RPS6KC1: variants seen among roughly 807,000 people sequenced by gnomAD.
RPS6KC1 encodes ribosomal protein S6 kinase C1.
A neutral mutation model predicts 103.8 loss-of-function variants in RPS6KC1; 54 were observed. That is an observed-to-expected ratio of 0.52 (90% confidence interval 0.42 to 0.65). The LOEUF is 0.65. RPS6KC1 is among the 30% of genes least tolerant of loss of function. The pLI, the probability that RPS6KC1 is intolerant of heterozygous loss-of-function variation, is 0.00. For missense variants in RPS6KC1, 1,151 were observed against 1,253.8 expected (o/e 0.92, Z 1.24); for synonymous variants, 439 against 438.7 (o/e 1.00, Z -0.01).
chr1:213,854,560 CTT>C, the RPS6KC1 span, among the ~76,000 whole-genome samples: 1,772 of 96,092 alleles, frequency 0.018, 33 homozygotes, highest in African/African-American at 0.096. Context: ...TTCTTTCTTT[CTT>C]TCTCTCTCTC....
At chr1:213,749,428 G>A in the RPS6KC1 span, among the ~76,000 whole-genome samples, 1 of 152,174 alleles carries the variant, frequency 6.6e-6, no homozygotes, top group African/African-American at 2.4e-5. Flanking sequence ...TGAGGGAACA[G>A]GAACTCTAAG....
At chr1:213,132,792 C>A (rs1170231284) in intron 6 of RPS6KC1, among the ~76,000 whole-genome samples, 4 of 152,144 alleles carry the variant, frequency 2.6e-5, no homozygotes, top group African/African-American at 9.7e-5. Flanking sequence ...TTCTGGATAT[C>A]TGATAATACA....
At chr1:213,097,845 A>G (rs554790056) in intron 3 of RPS6KC1, among the ~76,000 whole-genome samples, 3 of 151,958 alleles carry the variant, frequency 2.0e-5, no homozygotes, top group Non-Finnish European at 4.4e-5. Flanking sequence ...TCATGTACCA[A>G]CCTCTGCTAG....
At chr1:213,431,363 T>A in the RPS6KC1 span, among the ~76,000 whole-genome samples, 7 of 152,160 alleles carry the variant, frequency 4.6e-5, no homozygotes, top group Middle Eastern at 6.3e-3. Flanking sequence ...ATATGAGATT[T>A]TTTTTTCCAA....
chr1:213,230,342 A>G (rs1407657545), intron 8 of RPS6KC1, among the ~76,000 whole-genome samples, 155 bp from the exon 9 acceptor site: 1 of 152,216 alleles, frequency 6.6e-6, no homozygotes, highest in Non-Finnish European at 1.5e-5. Context: ...TTTTGATCCT[A>G]TAATTTGCTG....
At chr1:213,479,145 T>C in the RPS6KC1 span, among the ~76,000 whole-genome samples, 1 of 152,078 alleles carries the variant, frequency 6.6e-6, no homozygotes, top group African/African-American at 2.4e-5. Flanking sequence ...TCCACTCCCT[T>C]ATGTTGGGCA....
the RPS6KC1 span, among the ~76,000 whole-genome samples, chr1:213,526,643 A>G: frequency 5.3e-5 from 8 of 152,312 alleles, no homozygotes; most frequent in East Asian, 1.5e-3. Flanking sequence ...TCTGGGTTTC[A>G]GTCCTGATTC....
intron 6 of RPS6KC1, among the ~76,000 whole-genome samples, chr1:213,152,168 G>A (rs1454721932): frequency 4.2e-5 from 6 of 141,834 alleles, no homozygotes; most frequent in Non-Finnish European, 7.8e-5. Context: ...CGGGGCAGCT[G>A]GCCGGGCGGG....
intron 1 of RPS6KC1, among the ~76,000 whole-genome samples, chr1:213,066,712 T>C (rs2078362070): frequency 6.6e-6 from 1 of 152,200 alleles, no homozygotes; most frequent in Non-Finnish European, 1.5e-5. Flanking sequence ...GGAGTTTATA[T>C]AGCAGGGAGA....
the RPS6KC1 span, among the ~76,000 whole-genome samples, chr1:213,503,866 G>GT: frequency 6.6e-6 from 1 of 152,030 alleles, no homozygotes; most frequent in African/African-American, 2.4e-5. Context: ...AAATTACAAA[G>GT]TTTTTTTGTA....
chr1:213,706,846 G>A, the RPS6KC1 span, among the ~76,000 whole-genome samples: 1 of 152,084 alleles, frequency 6.6e-6, no homozygotes, highest in African/African-American at 2.4e-5. Context: ...ATGGTTTCCA[G>A]CTTCATCCAT....
At chr1:213,195,190 G>A (rs2092898706) in intron 8 of RPS6KC1, among the ~76,000 whole-genome samples, 1 of 152,144 alleles carries the variant, frequency 6.6e-6, no homozygotes, top group Non-Finnish European at 1.5e-5. Context: ...CATCCTGGTG[G>A]AACACTTCTG....
At chr1:213,816,814 A>C in the RPS6KC1 span, among the ~76,000 whole-genome samples, 1 of 152,116 alleles carries the variant, frequency 6.6e-6, no homozygotes, top group Non-Finnish European at 1.5e-5. Context: ...TTAAACTTTC[A>C]AAGTCTCATT....
chr1:213,323,031 T>A, the RPS6KC1 span, among the ~76,000 whole-genome samples: 3 of 149,434 alleles, frequency 2.0e-5, no homozygotes, highest in African/African-American at 7.4e-5. Context: ...CCCAAAGTGC[T>A]GGGATTACAG....
At chr1:213,707,209 T>C in the RPS6KC1 span, among the ~76,000 whole-genome samples, 1 of 152,182 alleles carries the variant, frequency 6.6e-6, no homozygotes, top group Admixed American at 6.5e-5. Flanking sequence ...CTCCAGCATC[T>C]GTTGTTTCCG....
chr1:213,425,030 T>C, the RPS6KC1 span, among the ~76,000 whole-genome samples: 10 of 152,028 alleles, frequency 6.6e-5, no homozygotes, highest in Non-Finnish European at 1.3e-4. Flanking sequence ...TTCCAGCAAC[T>C]CACCAGGGCC....
the RPS6KC1 span, among the ~76,000 whole-genome samples, chr1:213,563,292 TATATATC>T: frequency 1.3e-5 from 2 of 152,140 alleles, no homozygotes; most frequent in African/African-American, 4.8e-5. Flanking sequence ...TATCAGTTGA[TATATATC>T]TTTTATATAT....
At position 213,064,969 on chromosome 1, in the gene RPS6KC1, C is replaced by T. The variant is rs532187273; in HGVS notation, c.106-6037C>T. On this transcript the variant is annotated intron_variant, in intron 1 of 14. Coordinates refer to ENST00000366960, the MANE Select transcript of RPS6KC1 (RefSeq NM_012424.6). ...GGATTACAGGCGTGAGCCACCGTGC[C>T]CGGCCTTTTTTTTTTTTTTTTTTTT... Among the ~76,000 whole-genome samples, 456 of 139,816 alleles carry T rather than the reference C, an allele frequency of 3.3e-3. 1 individual carries two copies. Among genetic ancestry groups the T allele is most frequent in the Non-Finnish European group, 6.1e-3 (397 of 64,614 alleles). The allele number at this position is 139,816 out of a possible 152,430, so 91.7% of individuals were successfully genotyped here. A position where few individuals can be genotyped will look rare whatever the true frequency, so the allele number is the denominator to read the frequency against.
the RPS6KC1 span, among the ~76,000 whole-genome samples, chr1:213,550,423 G>A: frequency 6.6e-6 from 1 of 152,096 alleles, no homozygotes; most frequent in Non-Finnish European, 1.5e-5. Context: ...AGTACTAAAG[G>A]ACATTAATTG....
Sources: gnomAD v4.1 joint callset for allele counts (sites outside exome capture counted in the v4.1 genomes callset) on GRCh38, gnomAD v4.1.1 for gene constraint, MANE v1.5 for transcripts, NCBI Gene and HGNC (gene_info 2026-07-23, HGNC 2026-07-21) for gene names.